Variants in FNDC3A observed in about 807,000 individuals in gnomAD.
FNDC3A encodes the protein fibronectin type-III domain-containing protein 3A.
In FNDC3A, 32 loss-of-function variants were observed where a neutral mutation model predicts 148.9. The observed-to-expected ratio is 0.21, with a 90% CI of 0.16 to 0.29. The LOEUF is 0.29. Among genes scored for constraint, FNDC3A ranks in the 10% least tolerant of loss-of-function variants. The probability of loss-of-function intolerance (pLI) is 1.00; values close to 1 mark genes in which losing one functional copy is unlikely to be tolerated. For synonymous variants in FNDC3A, 472 were observed against 473.6 expected (o/e 1.00, Z 0.04); for missense variants, 1,191 against 1,452.8 (o/e 0.82, Z 2.93).
Position 49,203,233 on chromosome 13 carries a change from A to G in FNDC3A, c.3231A>G (p.Pro1077=). 6.2e-7 allele frequency: 1 copy of G among 1,605,222 alleles called. No homozygotes were observed. The highest frequency in any genetic ancestry group is 8.5e-7 in the Non-Finnish European group (1 of 1,172,154). ...WECLQPMKGD[P]VIYSLQVMLG... Reference sequence around the variant, plus strand: ...GTTTACAGCCAATGAAAGGTGATCCAGTTATTTACAGTCTTCAAGTTATGT... The same window carrying G: ...GTTTACAGCCAATGAAAGGTGATCCGGTTATTTACAGTCTTCAAGTTATGT... The change falls in exon 25 of 26, where the codon CCA becomes CCG. Residue 1077 remains proline (P), a synonymous_variant. Coordinates refer to ENST00000492622, the MANE Select transcript of FNDC3A (RefSeq NM_001079673.2).
intron 2 of FNDC3A, among the ~76,000 whole-genome samples, chr13:49,074,755 T>C (rs1877979698): frequency 6.6e-6 from 1 of 152,102 alleles, no homozygotes; most frequent in South Asian, 2.1e-4. Flanking sequence ...TAGCAGGACT[T>C]TAGTTTTTTT....
intron 3 of FNDC3A, among the ~76,000 whole-genome samples, chr13:49,077,362 A>G (rs997461058): frequency 2.6e-5 from 4 of 152,208 alleles, no homozygotes; most frequent in African/African-American, 9.6e-5. Flanking sequence ...AAAGAACTCT[A>G]ACACTTACTT....
At chr13:49,027,430 C>T (rs1312360099) in intron 2 of FNDC3A, among the ~76,000 whole-genome samples, 1 of 152,136 alleles carries the variant, frequency 6.6e-6, no homozygotes, top group Non-Finnish European at 1.5e-5. Flanking sequence ...GACCAGTAAA[C>T]ATAACCAGGT....
chr13:49,172,161 T>C (rs1593702905), intron 11 of FNDC3A, 65 bp downstream of exon 11: 1 of 1,016,248 alleles, frequency 9.8e-7, no homozygotes, highest in Non-Finnish European at 1.5e-6. Flanking sequence ...AAATTAACTT[T>C]TTTGTTTGTT....
At chr13:49,194,766 A>G (rs1886066868) in intron 19 of FNDC3A, among the ~76,000 whole-genome samples, 1 of 152,144 alleles carries the variant, frequency 6.6e-6, no homozygotes, top group Non-Finnish European at 1.5e-5. Flanking sequence ...CTTGTTTTAT[A>G]CATATGATAG....
chr13:49,077,648 G>A (rs1030213867), intron 3 of FNDC3A, among the ~76,000 whole-genome samples: 6 of 152,190 alleles, frequency 3.9e-5, no homozygotes, highest in Non-Finnish European at 8.8e-5. Flanking sequence ...GCCAAGGGGA[G>A]GGAGAGCATT....
chr13:48,999,574 T>A (rs1455810496), intron 1 of FNDC3A, among the ~76,000 whole-genome samples: 1 of 152,144 alleles, frequency 6.6e-6, no homozygotes, highest in African/African-American at 2.4e-5. Context: ...TGGGATAGAA[T>A]GAAAATGACA....
intron 4 of FNDC3A, among the ~76,000 whole-genome samples, chr13:49,119,715 C>A (rs1322097337): frequency 6.6e-6 from 1 of 151,618 alleles, no homozygotes. Context: ...ACAGCCAAAT[C>A]AATCAAGCAG....
intron 8 of FNDC3A, among the ~76,000 whole-genome samples, chr13:49,164,301 T>TA (rs1408019980): frequency 6.6e-5 from 10 of 152,206 alleles, no homozygotes; most frequent in Non-Finnish European, 1.0e-4. Flanking sequence ...GCTTTTCTCT[T>TA]ACTATCTTTA....
chr13:49,191,424 G>A (rs754142956), intron 19 of FNDC3A, 40 bp downstream of exon 19: 2 of 1,457,510 alleles, frequency 1.4e-6, no homozygotes, highest in Non-Finnish European at 1.8e-6. Context: ...TCACAATGGT[G>A]ATATATGTTT....
intron 4 of FNDC3A, among the ~76,000 whole-genome samples, chr13:49,121,988 A>G (rs1020282921): frequency 6.6e-6 from 1 of 152,206 alleles, no homozygotes; most frequent in East Asian, 1.9e-4. Context: ...ACTCCTCCCT[A>G]ACTCATTTTA....
chr13:49,082,489 G>T (rs1878544141), intron 3 of FNDC3A, among the ~76,000 whole-genome samples: 1 of 152,068 alleles, frequency 6.6e-6, no homozygotes, highest in Non-Finnish European at 1.5e-5. Flanking sequence ...ATTAGTTGGG[G>T]TTCCTTTTTT....
intron 1 of FNDC3A, among the ~76,000 whole-genome samples, chr13:48,997,066 G>GAA (rs5803452): frequency 7.0e-5 from 7 of 99,590 alleles, no homozygotes; most frequent in Admixed American, 3.0e-4. Context: ...TCCGTCTCAA[G>GAA]AAAAAAAAAA....
At chr13:48,996,396 G>T (rs1451264243) in intron 1 of FNDC3A, among the ~76,000 whole-genome samples, 1 of 152,036 alleles carries the variant, frequency 6.6e-6, no homozygotes, top group Non-Finnish European at 1.5e-5. Flanking sequence ...ATCAACCGTG[G>T]ATCAAAAATA....
rs1886237174 is a variant in FNDC3A, at chr13:49,197,991, G to A, written c.2500G>A (p.Val834Ile). The change falls in exon 22 of 26, where the codon GTT becomes ATT. Residue 834 changes from valine to isoleucine, a missense_variant. Val to Ile is a conservative substitution (Grantham distance 29). Transcript: ENST00000492622. ...TYYCRVQALS[V>I]VGAGPFSEVV... is the part of the protein sequence containing the mutation. ...CTCTGTTAATTTGTAGGCTCTGAGT[G>A]TTGTGGGTGCAGGCCCTTTCAGTGA... 3.7e-6 allele frequency: 6 copies of A among 1,612,556 alleles called. No individual in the cohort carries two copies. Among genetic ancestry groups the A allele is most frequent in the Non-Finnish European group, 5.1e-6 (6 of 1,179,088 alleles).
chr13:49,180,624 A>T (rs1247545006), intron 14 of FNDC3A, among the ~76,000 whole-genome samples: 1 of 152,202 alleles, frequency 6.6e-6, no homozygotes, highest in Admixed American at 6.5e-5. Context: ...TGTTAAGTTT[A>T]TGAAAATCCT....
At chr13:49,126,865 A>AAAT (rs1231004314) in intron 4 of FNDC3A, among the ~76,000 whole-genome samples, 1 of 152,248 alleles carries the variant, frequency 6.6e-6, no homozygotes, top group East Asian at 1.9e-4. Context: ...GAAAATTAAC[A>AAAT]TTTCAGTGTT....
chr13:49,169,059 C>A (rs932344538), intron 10 of FNDC3A, among the ~76,000 whole-genome samples: 2 of 152,110 alleles, frequency 1.3e-5, no homozygotes, highest in African/African-American at 4.8e-5. Flanking sequence ...GTCATGATGC[C>A]TTTATATTCT....
chr13:49,082,318 A>G (rs1310000247), intron 3 of FNDC3A, among the ~76,000 whole-genome samples: 5 of 152,106 alleles, frequency 3.3e-5, no homozygotes, highest in African/African-American at 1.2e-4. Flanking sequence ...CCCGGGAAGC[A>G]GAGGTTGCAG....
Sources: gnomAD v4.1 joint callset for allele counts (sites outside exome capture counted in the v4.1 genomes callset) on GRCh38, gnomAD v4.1.1 for gene constraint, MANE v1.5 for transcripts, NCBI Gene and HGNC (gene_info 2026-07-23, HGNC 2026-07-21) for gene names.